NRXN3: variants seen among roughly 807,000 people sequenced by gnomAD.
NRXN3 encodes neurexin III.
A neutral mutation model predicts 137.6 loss-of-function variants in NRXN3; 32 were observed. The ratio of observed to expected loss-of-function variants is 0.23; its 90% CI spans 0.18 to 0.31. NRXN3 has a LOEUF of 0.31. Ranked by LOEUF, NRXN3 falls within the 10% of genes least tolerant of loss-of-function variation. The pLI is 1.00. For missense variants in NRXN3, 1,574 were observed against 2,062.5 expected (o/e 0.76, Z 4.59); for synonymous variants, 798 against 784.5 (o/e 1.02, Z -0.29).
intron 15 of NRXN3, among the ~76,000 whole-genome samples, chr14:78,996,945 A>G (rs568801009): frequency 2.0e-5 from 3 of 152,308 alleles, no homozygotes; most frequent in South Asian, 2.1e-4. Context: ...ACTCTTAGGA[A>G]CAGTTCTATA....
intron 15 of NRXN3, among the ~76,000 whole-genome samples, chr14:79,281,400 C>T (rs911878435): frequency 6.6e-6 from 1 of 152,128 alleles, no homozygotes. Flanking sequence ...GAAAATGATA[C>T]TCAGCTGTTA....
At chr14:78,710,104 C>T (rs2152834106) in intron 7 of NRXN3, among the ~76,000 whole-genome samples, 1 of 152,282 alleles carries the variant, frequency 6.6e-6, no homozygotes, top group Non-Finnish European at 1.5e-5. Context: ...CAACAATACA[C>T]CCTTCAGTAA....
intron 16 of NRXN3, among the ~76,000 whole-genome samples, chr14:79,631,172 T>C (rs763235722): frequency 6.6e-6 from 1 of 152,268 alleles, no homozygotes; most frequent in Non-Finnish European, 1.5e-5. Context: ...TCCTCATGCA[T>C]GTCATACTCT....
chr14:78,453,148 C>G (rs1334073726), intron 4 of NRXN3, among the ~76,000 whole-genome samples: 1 of 152,192 alleles, frequency 6.6e-6, no homozygotes, highest in Non-Finnish European at 1.5e-5. Flanking sequence ...TCCCATTTCT[C>G]TTGACCTCTC....
intron 16 of NRXN3, among the ~76,000 whole-genome samples, chr14:79,538,589 T>G (rs1159676276): frequency 6.6e-6 from 1 of 152,216 alleles, no homozygotes; most frequent in Non-Finnish European, 1.5e-5. Flanking sequence ...TGGGGTGGTT[T>G]GTTTTTTTCT....
intron 15 of NRXN3, among the ~76,000 whole-genome samples, chr14:79,305,454 A>C (rs1320478378): frequency 3.3e-5 from 5 of 152,064 alleles, no homozygotes; most frequent in Non-Finnish European, 7.4e-5. Flanking sequence ...CACAGAGCTA[A>C]ATGAAGTAAG....
intron 1 of NRXN3, among the ~76,000 whole-genome samples, chr14:78,220,318 C>A (rs745544192): frequency 2.6e-5 from 4 of 151,838 alleles, no homozygotes; most frequent in Non-Finnish European, 5.9e-5. Flanking sequence ...AAAAGGAGCA[C>A]CTGAGAGTGA....
At chr14:78,437,740 G>C (rs1050293020) in intron 4 of NRXN3, among the ~76,000 whole-genome samples, 5 of 152,136 alleles carry the variant, frequency 3.3e-5, no homozygotes, top group African/African-American at 1.2e-4. Context: ...TGATTGCCTA[G>C]ACTCACTAAA....
At chr14:78,305,526 C>T (rs1390654023) in intron 4 of NRXN3, among the ~76,000 whole-genome samples, 1 of 152,122 alleles carries the variant, frequency 6.6e-6, no homozygotes, top group African/African-American at 2.4e-5. Context: ...AATCAAGCTA[C>T]ATGAATTTGA....
At chr14:79,660,014 G>A (rs765632031) in intron 16 of NRXN3, among the ~76,000 whole-genome samples, 3 of 152,244 alleles carry the variant, frequency 2.0e-5, no homozygotes, top group East Asian at 1.9e-4. Flanking sequence ...TATGAAGTAC[G>A]AAATGCTGAT....
chr14:79,723,242 G>A (rs2098853862), intron 19 of NRXN3, among the ~76,000 whole-genome samples: 1 of 152,116 alleles, frequency 6.6e-6, no homozygotes, highest in Admixed American at 6.6e-5. Context: ...CTGAGACCAT[G>A]ACTGAAGAAA....
chr14:78,792,636 G>A (rs2098809196), intron 8 of NRXN3, among the ~76,000 whole-genome samples: 1 of 152,192 alleles, frequency 6.6e-6, no homozygotes, highest in South Asian at 2.1e-4. Flanking sequence ...GCTAAGATGT[G>A]CATTGATCAA....
chr14:79,717,726 A>C (rs532861802), intron 19 of NRXN3, among the ~76,000 whole-genome samples: 1 of 152,132 alleles, frequency 6.6e-6, no homozygotes, highest in Non-Finnish European at 1.5e-5. Context: ...GCCCTTTCTT[A>C]TCTTGGTTTT....
intron 17 of NRXN3, among the ~76,000 whole-genome samples, chr14:79,673,657 C>T (rs1301698342): frequency 6.6e-6 from 1 of 152,092 alleles, no homozygotes; most frequent in Admixed American, 6.6e-5. Context: ...ATTCAACAAA[C>T]ATTTGTTCCA....
intron 15 of NRXN3, among the ~76,000 whole-genome samples, chr14:79,215,768 C>T (rs957923616): frequency 2.0e-5 from 3 of 152,100 alleles, no homozygotes; most frequent in Non-Finnish European, 4.4e-5. Context: ...CCATATCATA[C>T]ATATACATAG....
At chr14:78,849,388 C>T (rs548176740) in intron 10 of NRXN3, among the ~76,000 whole-genome samples, 1 of 152,032 alleles carries the variant, frequency 6.6e-6, no homozygotes, top group Non-Finnish European at 1.5e-5. Context: ...TGTGCACAAA[C>T]AGAAGCTGAA....
intron 19 of NRXN3, among the ~76,000 whole-genome samples, chr14:79,774,876 AG>A (rs1200212447): frequency 6.6e-6 from 1 of 152,166 alleles, no homozygotes; most frequent in Non-Finnish European, 1.5e-5. Context: ...AAATTCTGGA[AG>A]GGACAGATTT....
chr14:79,030,639 T>C (rs2099606665), intron 15 of NRXN3, among the ~76,000 whole-genome samples: 1 of 127,612 alleles, frequency 7.8e-6, no homozygotes, highest in South Asian at 2.2e-4. Flanking sequence ...CTGTGTCTTT[T>C]TTTTTTTTTT....
At chr14:78,181,317 G>A (rs2153352986) in intron 1 of NRXN3, among the ~76,000 whole-genome samples, 1 of 152,318 alleles carries the variant, frequency 6.6e-6, no homozygotes, top group South Asian at 2.1e-4. Flanking sequence ...TGCATGATAA[G>A]CAAGCATCTT....
Sources: gnomAD v4.1 joint callset for allele counts (sites outside exome capture counted in the v4.1 genomes callset) on GRCh38, gnomAD v4.1.1 for gene constraint, MANE v1.5 for transcripts, NCBI Gene and HGNC (gene_info 2026-07-23, HGNC 2026-07-21) for gene names.